TOPAZ1: variants seen among roughly 807,000 people sequenced by gnomAD.
TOPAZ1 encodes testis and ovary specific TOPAZ 1.
Under a neutral mutation model 172.2 loss-of-function variants are expected in TOPAZ1, and 66 were observed. The observed-to-expected ratio is 0.38, with a 90% confidence interval of 0.31 to 0.47. The LOEUF (loss-of-function observed/expected upper bound fraction) is 0.47. TOPAZ1 is among the 20% of genes least tolerant of loss of function. TOPAZ1 has a pLI of 0.99. For missense variants in TOPAZ1, 1,822 were observed against 1,972.4 expected, an observed-to-expected ratio of 0.92 and a Z score of 1.44; for synonymous variants, 681 against 683.9, an observed-to-expected ratio of 1.00 and a Z score of 0.07.
chr3:44,333,928 G>C (rs1700696495), downstream of TOPAZ1, among the ~76,000 whole-genome samples: 1 of 152,234 alleles, frequency 6.6e-6, no homozygotes, highest in East Asian at 1.9e-4. Flanking sequence ...AGTATTTATA[G>C]AGCTTAAAGC....
intron 12 of TOPAZ1, among the ~76,000 whole-genome samples, chr3:44,294,112 C>T (rs1407299206): frequency 1.3e-5 from 2 of 151,882 alleles, no homozygotes; most frequent in Admixed American, 6.6e-5. Flanking sequence ...TAGTGGTGCA[C>T]GCCTGTAATC....
At chr3:44,266,963 T>C in intron 5 of TOPAZ1, 34 bp from the exon 6 acceptor site, 1 of 1,456,190 alleles carries the variant, frequency 6.9e-7, no homozygotes, top group Non-Finnish European at 9.2e-7. Context: ...AAAAATACAT[T>C]TAAATTCTGA....
chr3:44,266,413 G>C (rs1370419309), intron 5 of TOPAZ1, among the ~76,000 whole-genome samples: 1 of 152,204 alleles, frequency 6.6e-6, no homozygotes, highest in East Asian at 1.9e-4. Context: ...CTTTTGGCCT[G>C]TCTTATCCGT....
rs1435112955 is a variant in TOPAZ1, at chr3:44,267,122, A to G, written c.3146A>G (p.Asn1049Ser). 2 of 1,534,882 alleles carry G rather than the reference A, an allele frequency of 1.3e-6. No homozygotes were observed. Among genetic ancestry groups the G allele is most frequent in the Non-Finnish European group, 8.8e-7 (1 of 1,140,874 alleles). ...GGTCGTCAAGAAGACACAATACTGA[A>G]TACCTGGATGAATGGTACTATTTGT... The part of the protein sequence containing the change: ...LSGRQEDTIL[N>S]TWMNDFRFLG... The change falls in exon 6 of 20, where the codon AAT becomes AGT. Residue 1049 changes from asparagine to serine, a missense_variant. Transcript: ENST00000309765.
At chr3:44,332,578 A>T (rs1156772879), downstream of TOPAZ1, among the ~76,000 whole-genome samples, 4 of 152,122 alleles carry the variant, frequency 2.6e-5, no homozygotes, top group Non-Finnish European at 4.4e-5. Flanking sequence ...ACACTAGATA[A>T]GACACAAATA....
chr3:44,316,262 G>C (rs1390682962), intron 16 of TOPAZ1, among the ~76,000 whole-genome samples: 2 of 151,814 alleles, frequency 1.3e-5, no homozygotes, highest in Admixed American at 6.6e-5. Context: ...AATAAATAAA[G>C]TAAACTTTTT....
intron 18 of TOPAZ1, among the ~76,000 whole-genome samples, chr3:44,327,805 C>A (rs1433474593): frequency 6.6e-6 from 1 of 151,916 alleles, no homozygotes; most frequent in African/African-American, 2.4e-5. Flanking sequence ...AGTACAGTGG[C>A]ACAATCTCGG....
chr3:44,314,261 C>G (rs1306608110), intron 16 of TOPAZ1, among the ~76,000 whole-genome samples: 1 of 152,066 alleles, frequency 6.6e-6, no homozygotes, highest in Non-Finnish European at 1.5e-5. Context: ...AATTTTTTCC[C>G]CATCTGGACC....
intron 16 of TOPAZ1, among the ~76,000 whole-genome samples, chr3:44,320,572 C>T (rs1184156969): frequency 6.6e-6 from 1 of 152,112 alleles, no homozygotes; most frequent in East Asian, 1.9e-4. Context: ...CACTGCACTC[C>T]AGCCTGGGTG....
chr3:44,331,911 A>G lies in TOPAZ1; in HGVS notation c.4979A>G (p.Asn1660Ser), dbSNP rs1488128792. ...GTTAAACACATGACTGTCAATGTTAATAAGGAACAGGTTTATAGTTTGGAA... is the reference window on the plus strand; with the variant it reads ...GTTAAACACATGACTGTCAATGTTAGTAAGGAACAGGTTTATAGTTTGGAA... Reference protein sequence around the residue: ...LFVKHMTVNVNKEQVYSLEHC... With the variant: ...LFVKHMTVNVSKEQVYSLEHC... Residue 1660 changes from asparagine to serine, a missense_variant, in exon 20 of 20, where the codon AAT becomes AGT. Asn to Ser is a conservative substitution (Grantham distance 46). Coordinates refer to ENST00000309765, the MANE Select transcript of TOPAZ1 (RefSeq NM_001145030.2). 4 of 1,551,730 alleles carry G rather than the reference A, an allele frequency of 2.6e-6. No homozygotes were observed. The highest frequency in any genetic ancestry group is 3.5e-6 in the Non-Finnish European group (4 of 1,146,920).
In TOPAZ1 at chr3:44,309,865, A is replaced by G. The variant is rs1342804288; in HGVS notation, c.4181A>G (p.His1394Arg). Reference protein sequence around the residue: ...VLEKLYELKIHFTSLKGLIGP... With the variant: ...VLEKLYELKIRFTSLKGLIGP... ...GAGAAACTATATGAATTAAAAATACACTTTACAAGTTTAAAAGGACTTATA... is the reference window on the plus strand; with the variant it reads ...GAGAAACTATATGAATTAAAAATACGCTTTACAAGTTTAAAAGGACTTATA... Residue 1394 changes from histidine to arginine, a missense_variant, in exon 16 of 20, where the codon CAC becomes CGC. Transcript: ENST00000309765. 1 of 1,541,498 alleles carries G rather than the reference A, an allele frequency of 6.5e-7. No homozygotes were observed. Among genetic ancestry groups the G allele is most frequent in the African/African-American group, 1.4e-5 (1 of 72,718 alleles).
chr3:44,244,682 G>A lies in TOPAZ1; in HGVS notation c.2176G>A (p.Val726Ile), dbSNP rs1447648195. The change falls in exon 2 of 20, where the codon GTA (valine) becomes ATA (isoleucine). Residue 726 changes from valine to isoleucine, a missense_variant. Val to Ile is a conservative substitution (Grantham distance 29). Coordinates refer to ENST00000309765, the MANE Select transcript of TOPAZ1 (RefSeq NM_001145030.2). ...TCTGGACAATTTATCTGGAGCAGAC[G>A]TAAGACAGAACAGGAGTAAAGAAAA... The part of the protein sequence containing the change: ...ELLDNLSGAD[V>I]RQNRSKENVS... The A allele has an allele frequency of 9.7e-6, 15 of 1,551,228 alleles. No homozygotes were observed. Among genetic ancestry groups the A allele is most frequent in the East Asian group, 2.4e-5 (1 of 40,918 alleles).
chr3:44,331,835 G>T lies in TOPAZ1; in HGVS notation c.4903G>T (p.Ala1635Ser). 1 of 1,552,102 alleles carries T rather than the reference G, an allele frequency of 6.4e-7. No individual in the cohort carries two copies. The highest frequency in any genetic ancestry group is 8.7e-7 in the Non-Finnish European group (1 of 1,147,066). ...TCGGAGCAATGATGATTATCAAGCT[G>T]CAGTAGAAAGGTTAATTATGGCTGC... Reference protein sequence around the residue: ...QSRSNDDYQAAVERLIMAARI... With the variant: ...QSRSNDDYQASVERLIMAARI... Residue 1635 changes from alanine to serine, a missense_variant, in exon 20 of 20, where the codon GCA (alanine) becomes TCA (serine). Coordinates refer to ENST00000309765, the MANE Select transcript of TOPAZ1 (RefSeq NM_001145030.2).
At chr3:44,316,834 G>A (rs1700456122) in intron 16 of TOPAZ1, among the ~76,000 whole-genome samples, 1 of 152,030 alleles carries the variant, frequency 6.6e-6, no homozygotes, top group Non-Finnish European at 1.5e-5. Context: ...TCACTTACTT[G>A]AAATGCCATT....
At position 44,272,946 on chromosome 3, in the gene TOPAZ1, T is replaced by C. The variant is rs548608867; in HGVS notation, c.3372+2136T>C. 1.3e-4 allele frequency among the ~76,000 whole-genome samples: 20 copies of C among 152,334 alleles called. No individual in the cohort carries two copies. The South Asian group carries it at 4.1e-3, about 32-fold the overall frequency. ...ATATATTTTAGATACTAACCCCTTA[T>C]CAAATGTATGGCTTGCAAATATTTC... is the stretch of plus-strand genomic sequence containing the variant. On this transcript the variant is annotated intron_variant, in intron 8 of 19. Coordinates refer to ENST00000309765, the MANE Select transcript of TOPAZ1 (RefSeq NM_001145030.2).
At position 44,241,999 on chromosome 3, in the gene TOPAZ1, G is replaced by T; in HGVS notation, c.-55G>T. ...CAGGCGGGAGCAGCGTTTGCACCGC[G>T]GTGGGTTCCTGCGAGCTGGTGCAGA... On this transcript the variant is annotated 5_prime_UTR_variant, in exon 1 of 20. Transcript: ENST00000309765. 1.3e-6 allele frequency: 2 copies of T among 1,485,686 alleles called. No homozygotes were observed. The highest frequency in any genetic ancestry group is 9.0e-7 in the Non-Finnish European group (1 of 1,105,568). 92.0% of individuals were successfully genotyped at this position (1,485,686 alleles called of 1,614,324 possible). A position where few individuals can be genotyped will look rare whatever the true frequency, so the allele number is the denominator to read the frequency against.
chr3:44,290,685 A>G (rs1700127520), intron 11 of TOPAZ1, 86 bp from the exon 12 acceptor site: 3 of 738,882 alleles, frequency 4.1e-6, no homozygotes, highest in Non-Finnish European at 6.6e-6. Context: ...TTCTTCCATT[A>G]GTGTCTTAGT....
In TOPAZ1 at chr3:44,306,337, C is replaced by T; in HGVS notation, c.4051C>T (p.Pro1351Ser). 1 of 1,542,418 alleles carries T rather than the reference C, an allele frequency of 6.5e-7. No homozygotes were observed. The highest frequency in any genetic ancestry group is 2.4e-5 in the East Asian group (1 of 40,824). Residue 1351 changes from proline (P) to serine (S), a missense_variant, in exon 15 of 20, where the codon CCA (proline) becomes TCA (serine). Around this residue, in one of 2 missense-constraint regions of TOPAZ1, gnomAD observed 333 missense variants for 481.7 expected, o/e 0.69. Transcript: ENST00000309765. The stretch of plus-strand genomic sequence containing the variant: ...TATTTGTGTTTCAGTTAGCAAAGAT[C>T]CACAAAACAGTAAAGTAGATAAAGG... ...CEFAETVSKD[P>S]QNSKVDKGVL...
intron 18 of TOPAZ1, among the ~76,000 whole-genome samples, chr3:44,326,659 C>T (rs1700603900): frequency 6.6e-6 from 1 of 152,102 alleles, no homozygotes. Flanking sequence ...TGCTTTCATG[C>T]CAGACTAATC....
Sources: gnomAD v4.1 joint callset for allele counts (sites outside exome capture counted in the v4.1 genomes callset) on GRCh38, gnomAD v4.1.1 for gene constraint, gnomAD v4.1.1 regional missense constraint, MANE v1.5 for transcripts, NCBI Gene and HGNC (gene_info 2026-07-23, HGNC 2026-07-21) for gene names.